The following ARHGEF4 variants were observed in gnomAD, a reference collection of about 807,000 sequenced individuals.
ARHGEF4 encodes the protein APC-stimulated guanine nucleotide exchange factor 1.
In ARHGEF4, 119 loss-of-function variants were observed where a neutral mutation model predicts 162.0. The observed-to-expected ratio is 0.73, with a 90% confidence interval of 0.63 to 0.86. The LOEUF (loss-of-function observed/expected upper bound fraction) is 0.86, where lower values mean the gene tolerates loss of function less well. Ranked by LOEUF, ARHGEF4 falls within the 40% of genes least tolerant of loss-of-function variation. ARHGEF4 has a pLI of 0.00. For synonymous variants in ARHGEF4, 1,014 were observed against 979.9 expected (o/e 1.03, Z -0.65); for missense variants, 2,488 against 2,456.0 (o/e 1.01, Z -0.28).
intron 4 of ARHGEF4, among the ~76,000 whole-genome samples, chr2:130,967,277 G>A (rs574570697): frequency 5.3e-5 from 8 of 152,152 alleles, no homozygotes; most frequent in East Asian, 1.9e-4. Flanking sequence ...GGCATAATCC[G>A]AACACGAAAT....
At chr2:130,853,043 A>G (rs991069678) in intron 1 of ARHGEF4, among the ~76,000 whole-genome samples, 1 of 152,180 alleles carries the variant, frequency 6.6e-6, no homozygotes, top group African/African-American at 2.4e-5. Context: ...TCAGCAGGGC[A>G]TGTCCAGCAC....
chr2:130,843,520 C>A lies in ARHGEF4; in HGVS notation c.39+6528C>A, dbSNP rs75576340. Among the ~76,000 whole-genome samples the A allele has an allele frequency of 5.5e-3, 835 of 152,260 alleles. 8 individuals are homozygous for A. Among genetic ancestry groups the A allele is most frequent in the South Asian group, 0.02 (94 of 4,818 alleles). On this transcript the variant is annotated intron_variant, in intron 1 of 13. Coordinates refer to ENST00000409359, the MANE Select transcript of ARHGEF4 (RefSeq NM_001367493.1). Reference sequence around the variant, plus strand: ...AACCTGGACTTGCCAGCCTTGGCTGCGTTGCTGCTCAGAGGCACCAGTGCT... The same window carrying A: ...AACCTGGACTTGCCAGCCTTGGCTGAGTTGCTGCTCAGAGGCACCAGTGCT...
At chr2:130,875,337 T>C (rs2104943439) in intron 1 of ARHGEF4, among the ~76,000 whole-genome samples, 1 of 152,322 alleles carries the variant, frequency 6.6e-6, no homozygotes, top group Middle Eastern at 3.4e-3. Context: ...ACCTACTGTC[T>C]GAGTCAGTTT....
chr2:130,939,008 A>G (rs1317232584), intron 3 of ARHGEF4, among the ~76,000 whole-genome samples: 1 of 152,168 alleles, frequency 6.6e-6, no homozygotes. Flanking sequence ...CACCAAGGTA[A>G]TAAGTATAGT....
chr2:130,898,989 C>T (rs1367857703), intron 1 of ARHGEF4, among the ~76,000 whole-genome samples: 7 of 152,090 alleles, frequency 4.6e-5, no homozygotes, highest in Non-Finnish European at 7.4e-5. Context: ...GCGTGGAATT[C>T]TCTATTGTAG....
chr2:130,845,375 G>T (rs1433592985), intron 1 of ARHGEF4, among the ~76,000 whole-genome samples: 2 of 152,044 alleles, frequency 1.3e-5, no homozygotes, highest in Non-Finnish European at 2.9e-5. Context: ...ACGTGGCATG[G>T]TGCACACACC....
At chr2:131,034,015 CTCTGCTT>C (rs1375420316) in intron 5 of ARHGEF4, among the ~76,000 whole-genome samples, 1 of 152,200 alleles carries the variant, frequency 6.6e-6, no homozygotes, top group Non-Finnish European at 1.5e-5. Context: ...GTGGCATCCA[CTCTGCTT>C]TACAGTCAAC....
intron 4 of ARHGEF4, among the ~76,000 whole-genome samples, chr2:130,998,300 C>T (rs1391236584): frequency 6.6e-6 from 1 of 152,100 alleles, no homozygotes; most frequent in Admixed American, 6.5e-5. Context: ...TTCCTATAAA[C>T]CCCTCACCCT....
At chr2:130,873,621 A>C (rs1301429115) in intron 1 of ARHGEF4, among the ~76,000 whole-genome samples, 1 of 151,556 alleles carries the variant, frequency 6.6e-6, no homozygotes, top group African/African-American at 2.4e-5. Context: ...AAGAAGACCC[A>C]CTTTTTACTT....
intron 1 of ARHGEF4, among the ~76,000 whole-genome samples, chr2:130,851,578 G>A (rs1165453807): frequency 3.9e-5 from 6 of 152,248 alleles, no homozygotes; most frequent in Non-Finnish European, 7.3e-5. Context: ...CCGAGAGGGT[G>A]GAGTGGACGG....
intron 5 of ARHGEF4, among the ~76,000 whole-genome samples, chr2:131,032,642 T>A (rs1449460919): frequency 1.3e-5 from 2 of 151,512 alleles, no homozygotes; most frequent in African/African-American, 2.4e-5. Flanking sequence ...AAAGTGGCTT[T>A]CCTCTTCCCT....
At chr2:131,034,297 G>C (rs1268416234) in intron 5 of ARHGEF4, among the ~76,000 whole-genome samples, 4 of 152,198 alleles carry the variant, frequency 2.6e-5, no homozygotes, top group African/African-American at 9.7e-5. Flanking sequence ...CTCTCAGAAG[G>C]ACACACTGAC....
chr2:131,040,072 C>A lies in ARHGEF4; in HGVS notation c.4362C>A (p.Ser1454Arg), dbSNP rs1458572994. Residue 1454 changes from serine (S) to arginine (R), a missense_variant, in exon 7 of 14, where the codon AGC becomes AGA. Transcript: ENST00000409359. ...ADDDAPLAGN[S>R]GAEDGGAEAQ... ...ACGACGCCCCTCTGGCCGGGAACAGCGGAGCGGAGGACGGCGGGGCGGAGG... is the reference window on the plus strand; with the variant it reads ...ACGACGCCCCTCTGGCCGGGAACAGAGGAGCGGAGGACGGCGGGGCGGAGG... 6.3e-7 allele frequency: 1 copy of A among 1,599,420 alleles called. No homozygotes were observed. The highest frequency in any genetic ancestry group is 2.3e-5 in the East Asian group (1 of 43,762).
chr2:130,941,819 G>A (rs1017201340), intron 3 of ARHGEF4, among the ~76,000 whole-genome samples: 2 of 152,176 alleles, frequency 1.3e-5, no homozygotes, highest in Non-Finnish European at 2.9e-5. Context: ...CTCAGAAGTG[G>A]CAGAAGTGGA....
chr2:130,991,488 C>G (rs989722596), intron 4 of ARHGEF4, among the ~76,000 whole-genome samples: 1 of 152,328 alleles, frequency 6.6e-6, no homozygotes, highest in East Asian at 1.9e-4. Flanking sequence ...GCGGCGCTTG[C>G]GGGCCAGCTG....
chr2:130,924,117 G>A (rs1254911078), intron 2 of ARHGEF4, among the ~76,000 whole-genome samples: 1 of 151,618 alleles, frequency 6.6e-6, no homozygotes, highest in African/African-American at 2.4e-5. Context: ...TCCTGACCTC[G>A]TGATCCACCT....
intron 1 of ARHGEF4, among the ~76,000 whole-genome samples, chr2:130,866,473 G>A (rs773989899): frequency 2.0e-5 from 3 of 152,176 alleles, no homozygotes; most frequent in Non-Finnish European, 4.4e-5. Flanking sequence ...TATGTTATGT[G>A]GCAAAGGGAC....
intron 1 of ARHGEF4, among the ~76,000 whole-genome samples, chr2:130,898,340 G>A (rs953900839): frequency 3.3e-5 from 5 of 152,220 alleles, no homozygotes; most frequent in African/African-American, 1.2e-4. Context: ...GAAGCGGGGA[G>A]CCTTCCACAG....
intron 5 of ARHGEF4, among the ~76,000 whole-genome samples, chr2:131,036,237 C>T (rs979318630): frequency 6.6e-6 from 1 of 152,244 alleles, no homozygotes; most frequent in Non-Finnish European, 1.5e-5. Context: ...ACGAAACTGT[C>T]TCTGACCTCA....
Sources: gnomAD v4.1 joint callset for allele counts (sites outside exome capture counted in the v4.1 genomes callset) on GRCh38, gnomAD v4.1.1 for gene constraint, MANE v1.5 for transcripts, NCBI Gene and HGNC (gene_info 2026-07-23, HGNC 2026-07-21) for gene names.